The following SLC22A3 variants were observed in gnomAD, a reference collection of about 807,000 sequenced individuals.
SLC22A3 encodes the protein EMT organic cation transporter 3.
A neutral mutation model predicts 59.1 loss-of-function variants in SLC22A3; 51 were observed. The observed-to-expected ratio is 0.86, with a 90% CI of 0.69 to 1.09. The LOEUF (loss-of-function observed/expected upper bound fraction) is 1.09, where lower values mean the gene tolerates loss of function less well. Ranked by LOEUF, SLC22A3 falls within the 50% of genes least tolerant of loss-of-function variation. SLC22A3 has a pLI of 0.00. For missense variants in SLC22A3, 711 were observed against 726.3 expected, an observed-to-expected ratio of 0.98 and a Z score of 0.24; for synonymous variants, 325 against 292.0, an observed-to-expected ratio of 1.11 and a Z score of -1.15.
chr6:160,350,659 A>G (rs915590121), intron 1 of SLC22A3, among the ~76,000 whole-genome samples: 1 of 152,204 alleles, frequency 6.6e-6, no homozygotes, highest in Non-Finnish European at 1.5e-5. Context: ...TGCTCAAGCG[A>G]GGTTTGCATG....
chr6:160,403,884 T>C (rs1786895264), intron 2 of SLC22A3, among the ~76,000 whole-genome samples: 1 of 151,928 alleles, frequency 6.6e-6, no homozygotes, highest in Admixed American at 6.6e-5. Context: ...ACAAAAGCTC[T>C]CAGTAAACTA....
intron 5 of SLC22A3, among the ~76,000 whole-genome samples, chr6:160,421,347 G>A (rs1045065020): frequency 9.2e-5 from 14 of 152,198 alleles, no homozygotes; most frequent in Admixed American, 9.2e-4. Context: ...TGGGATCCTG[G>A]CAAACCACAC....
Position 160,360,215 on chromosome 6 carries a change from C to T in SLC22A3, c.429+11367C>T, listed in dbSNP as rs559727542. On this transcript the variant is annotated intron_variant, in intron 1 of 10. Coordinates refer to ENST00000275300, the MANE Select transcript of SLC22A3 (RefSeq NM_021977.4). ...GCTCATGCCTGTAATCACAGCACTT[C>T]GGGAGGCCAAGGTGGGTGGATCACC... is the stretch of plus-strand genomic sequence containing the variant. 1.2e-3 allele frequency among the ~76,000 whole-genome samples: 180 copies of T among 152,162 alleles called. 2 individuals carry two copies. The highest frequency in any genetic ancestry group is 3.9e-3 in the African/African-American group (161 of 41,500).
At chr6:160,364,906 A>G (rs907784922) in intron 1 of SLC22A3, among the ~76,000 whole-genome samples, 1 of 152,194 alleles carries the variant, frequency 6.6e-6, no homozygotes, top group African/African-American at 2.4e-5. Flanking sequence ...TTTAATAGCT[A>G]TGCTCTGTTA....
At chr6:160,368,522 G>A (rs1362367009) in intron 1 of SLC22A3, among the ~76,000 whole-genome samples, 1 of 152,160 alleles carries the variant, frequency 6.6e-6, no homozygotes, top group African/African-American at 2.4e-5. Context: ...ATTTAAAGCA[G>A]TGTCCCTTAT....
At chr6:160,369,848 G>T (rs369885998) in intron 1 of SLC22A3, among the ~76,000 whole-genome samples, 1 of 152,120 alleles carries the variant, frequency 6.6e-6, no homozygotes, top group African/African-American at 2.4e-5. Context: ...CATGAATGCC[G>T]AACAGGCACA....
intron 9 of SLC22A3, among the ~76,000 whole-genome samples, chr6:160,446,785 C>A (rs1788761581): frequency 6.6e-6 from 1 of 152,160 alleles, no homozygotes; most frequent in South Asian, 2.1e-4. Context: ...CAATAAATGC[C>A]CAACACTCAT....
intron 5 of SLC22A3, among the ~76,000 whole-genome samples, chr6:160,421,957 G>C (rs913874774): frequency 8.5e-5 from 13 of 152,138 alleles, no homozygotes; most frequent in African/African-American, 3.1e-4. Context: ...TCTCGACTGT[G>C]GATAAATGAG....
chr6:160,393,355 T>C (rs1026726913), intron 1 of SLC22A3, among the ~76,000 whole-genome samples: 4 of 152,084 alleles, frequency 2.6e-5, no homozygotes, highest in Admixed American at 2.0e-4. Context: ...TTGTTACATA[T>C]GTATACATGT....
intron 5 of SLC22A3, among the ~76,000 whole-genome samples, chr6:160,428,396 G>A (rs988920411): frequency 1.3e-5 from 2 of 152,196 alleles, no homozygotes; most frequent in Admixed American, 6.5e-5. Context: ...GACCAGACTC[G>A]CTCAGTGCAG....
At chr6:160,430,295 C>T (rs1487672531) in intron 5 of SLC22A3, among the ~76,000 whole-genome samples, 1 of 152,034 alleles carries the variant, frequency 6.6e-6, no homozygotes, top group African/African-American at 2.4e-5. Context: ...GTTTAAGTAA[C>T]ATGCTAGTAA....
At position 160,348,598 on chromosome 6, in the gene SLC22A3, C is replaced by T. The variant is rs1380243425; in HGVS notation, c.179C>T (p.Ala60Val). 1 of 1,514,088 alleles carries T rather than the reference C, an allele frequency of 6.6e-7. No individual in the cohort carries two copies. The highest frequency in any genetic ancestry group is 1.2e-5 in the South Asian group (1 of 82,036). The allele number at this position is 1,514,088 out of a possible 1,614,324, so 93.8% of individuals were successfully genotyped here. ...WCRGPSAAALAERCGWSPEEE... is the reference protein window; with the variant it reads ...WCRGPSAAALVERCGWSPEEE... The stretch of plus-strand genomic sequence containing the variant: ...CGCGGGCCAAGTGCCGCGGCGCTGG[C>T]CGAGCGCTGCGGCTGGAGCCCGGAG... Residue 60 changes from alanine (A) to valine (V), a missense_variant, in exon 1 of 11, where the codon GCC (alanine) becomes GTC (valine). Transcript: ENST00000275300.
At chr6:160,443,800 G>C in intron 9 of SLC22A3, 58 bp downstream of exon 9, 1 of 939,930 alleles carries the variant, frequency 1.1e-6, no homozygotes, top group Non-Finnish European at 1.6e-6. Context: ...TACTAAAAGA[G>C]ACCTATAATA....
At chr6:160,428,230 A>C (rs376343276) in intron 5 of SLC22A3, among the ~76,000 whole-genome samples, 1 of 152,178 alleles carries the variant, frequency 6.6e-6, no homozygotes, top group East Asian at 1.9e-4. Context: ...CCCTCCTGGG[A>C]CTGCATAGAT....
intron 5 of SLC22A3, among the ~76,000 whole-genome samples, chr6:160,423,020 C>G (rs927017296): frequency 5.3e-5 from 8 of 152,052 alleles, no homozygotes; most frequent in African/African-American, 1.9e-4. Context: ...TGTGATGTTC[C>G]CCTTCCTGTG....
In SLC22A3 at chr6:160,437,054, C is replaced by A. The variant is rs752297653; in HGVS notation, c.1131C>A (p.Gly377=). The A allele has an allele frequency of 5.0e-6, 8 of 1,614,148 alleles. No homozygotes were observed. The South Asian group carries it at 7.7e-5, about 16-fold the overall frequency. Residue 377 remains glycine, a synonymous_variant, in exon 7 of 11, where the codon GGC becomes GGA. Transcript: ENST00000275300. ...GLVMRLGIIG[G]NLYIDFFISG... is the part of the protein sequence containing the mutation. ...TCATGCGCCTGGGAATTATAGGGGG[C>A]AACCTCTATATAGACTTTTTCATCT...
At position 160,445,376 on chromosome 6, in the gene SLC22A3, G is replaced by A. The variant is rs76053599; in HGVS notation, c.1510+1634G>A. Among the ~76,000 whole-genome samples the A allele has an allele frequency of 1.7e-3, 255 of 152,312 alleles. 1 individual carries two copies. The highest frequency in any genetic ancestry group is 5.7e-3 in the African/African-American group (237 of 41,582). ...TGAAGAGAGGTGGTGCCAGGGCAGG[G>A]CAGGGACTGGATCCGGAAGGGCCTC... is the stretch of plus-strand genomic sequence containing the variant. On this transcript the variant is annotated intron_variant, in intron 9 of 10. Coordinates refer to ENST00000275300, the MANE Select transcript of SLC22A3 (RefSeq NM_021977.4).
At chr6:160,435,252 G>T (rs1788296016) in intron 5 of SLC22A3, among the ~76,000 whole-genome samples, 2 of 152,320 alleles carry the variant, frequency 1.3e-5, no homozygotes, top group South Asian at 4.1e-4. Flanking sequence ...GATTGTCATG[G>T]AAACTATTGT....
At chr6:160,446,021 G>T (rs1485640011) in intron 9 of SLC22A3, among the ~76,000 whole-genome samples, 3 of 152,218 alleles carry the variant, frequency 2.0e-5, no homozygotes, top group Non-Finnish European at 4.4e-5. Context: ...GACAAAGCAA[G>T]AGGAAAGCAG....
Sources: gnomAD v4.1 joint callset for allele counts (sites outside exome capture counted in the v4.1 genomes callset) on GRCh38, gnomAD v4.1.1 for gene constraint, MANE v1.5 for transcripts, NCBI Gene and HGNC (gene_info 2026-07-23, HGNC 2026-07-21) for gene names.